NUDT2: variants seen among roughly 807,000 people sequenced by gnomAD.
The protein encoded by NUDT2 is bis(5'-nucleosyl)-tetraphosphatase [asymmetrical].
NUDT2 carries 12 observed loss-of-function variants against 14.2 expected under a neutral mutation model. The ratio of observed to expected loss-of-function variants is 0.84; its 90% CI spans 0.54 to 1.37. The LOEUF is 1.37. NUDT2 is among the 40% of genes most tolerant of loss of function. The pLI is 0.00. For missense variants in NUDT2, 167 were observed against 176.7 expected, an observed-to-expected ratio of 0.95 and a Z score of 0.31; for synonymous variants, 67 against 67.4, an observed-to-expected ratio of 0.99 and a Z score of 0.03.
intron 1 of NUDT2, among the ~76,000 whole-genome samples, chr9:34,334,554 C>T (rs1271352285): frequency 6.6e-6 from 1 of 152,174 alleles, no homozygotes; most frequent in Non-Finnish European, 1.5e-5. Flanking sequence ...AAACCCCCAA[C>T]AATAGTTCCA....
At chr9:34,337,866 T>TCTGGCG (rs1364658973) in intron 2 of NUDT2, among the ~76,000 whole-genome samples, 2 of 150,994 alleles carry the variant, frequency 1.3e-5, no homozygotes, top group African/African-American at 2.4e-5. Context: ...TGAGACAGAG[T>TCTGGCG]CTCACTCTGT....
chr9:34,338,985 T>G, intron 3 of NUDT2, 39 bp from the exon 4 acceptor site: 1 of 1,566,972 alleles, frequency 6.4e-7, no homozygotes, highest in Non-Finnish European at 8.7e-7. Flanking sequence ...GCTTCCTATT[T>G]TGTGTAACTT....
intron 1 of NUDT2, among the ~76,000 whole-genome samples, chr9:34,329,902 C>G (rs956502064): frequency 8.5e-5 from 13 of 152,234 alleles, no homozygotes; most frequent in African/African-American, 3.1e-4. Flanking sequence ...GTTTAGGGCC[C>G]AGAGGCCCAG....
chr9:34,340,615 C>G (rs890087348), intron 4 of NUDT2, among the ~76,000 whole-genome samples: 1 of 152,194 alleles, frequency 6.6e-6, no homozygotes, highest in African/African-American at 2.4e-5. Flanking sequence ...TTTTCATCCA[C>G]CAGCACTCCT....
Position 34,337,777 on chromosome 9 carries a change from A to C in NUDT2, c.-151-936A>C, listed in dbSNP as rs546271778. ...ATCAGCTGTGCAACCCCCGGGCACC[A>C]GCAATGTCAGGCAATGGTGGCATGT... On this transcript the variant is annotated intron_variant, in intron 2 of 4. Coordinates refer to ENST00000379158, the MANE Select transcript of NUDT2 (RefSeq NM_001161.5). Among the ~76,000 whole-genome samples, 3 of 152,294 alleles carry C rather than the reference A, an allele frequency of 2.0e-5. No homozygotes were observed. The South Asian group carries it at 6.2e-4, about 32-fold the overall frequency.
chr9:34,333,674 G>T (rs1267329443), intron 1 of NUDT2, among the ~76,000 whole-genome samples: 3 of 118,162 alleles, frequency 2.5e-5, no homozygotes, highest in East Asian at 2.7e-4. Flanking sequence ...AAAAAAAAAG[G>T]ACTGGGAATT....
At chr9:34,335,326 C>T (rs556221637) in intron 1 of NUDT2, among the ~76,000 whole-genome samples, 80 of 152,338 alleles carry the variant, frequency 5.3e-4, no homozygotes, top group Non-Finnish European at 8.7e-4. Context: ...TCACAGACTT[C>T]GGGCCCAACA....
At chr9:34,333,174 G>C (rs991731346) in intron 1 of NUDT2, among the ~76,000 whole-genome samples, 2 of 152,114 alleles carry the variant, frequency 1.3e-5, no homozygotes, top group African/African-American at 2.4e-5. Context: ...TTTGAGATGG[G>C]TGCTATTAGG....
intron 2 of NUDT2, among the ~76,000 whole-genome samples, chr9:34,337,878 G>A (rs368894392): frequency 5.9e-5 from 9 of 151,852 alleles, no homozygotes; most frequent in East Asian, 3.9e-4. Flanking sequence ...TCACTCTGTC[G>A]CCAAGCTGGA....
intron 2 of NUDT2, among the ~76,000 whole-genome samples, chr9:34,336,837 C>G (rs1303573514): frequency 1.3e-5 from 2 of 152,076 alleles, no homozygotes; most frequent in Non-Finnish European, 2.9e-5. Context: ...AGCCACTGAA[C>G]CCAGCCTCGA....
rs757106123 is a variant in NUDT2, at chr9:34,343,436, C to T, written c.440C>T (p.Ala147Val). Reference protein sequence around the residue: ...EGHQFLCSIEA With the variant: ...EGHQFLCSIEV ...CACCAGTTTCTTTGCTCCATAGAGG[C>T]CTGAGCTGACTGGAGCAGAGTCATT... Residue 147 changes from alanine (A) to valine (V), a missense_variant, in exon 5 of 5, where the codon GCC becomes GTC. Coordinates refer to ENST00000379158, the MANE Select transcript of NUDT2 (RefSeq NM_001161.5). The T allele has an allele frequency of 8.8e-6, 14 of 1,582,984 alleles. No homozygotes were observed. The highest frequency in any genetic ancestry group is 1.7e-4 in the Middle Eastern group (1 of 5,816).
At chr9:34,339,996 G>T (rs1351112844) in intron 4 of NUDT2, among the ~76,000 whole-genome samples, 4 of 151,980 alleles carry the variant, frequency 2.6e-5, no homozygotes, top group African/African-American at 4.8e-5. Context: ...GAGCAGTGGG[G>T]CAATCTCAGC....
intron 4 of NUDT2, 93 bp downstream of exon 4, chr9:34,339,259 A>C: frequency 3.3e-6 from 5 of 1,494,590 alleles, no homozygotes; most frequent in Non-Finnish European, 4.6e-6. Context: ...ATTCCCAGTG[A>C]CTGTGTAGCA....
At chr9:34,331,545 G>A (rs562835558) in intron 1 of NUDT2, among the ~76,000 whole-genome samples, 31 of 152,312 alleles carry the variant, frequency 2.0e-4, no homozygotes, top group African/African-American at 6.7e-4. Context: ...AGATGCAGGG[G>A]CAGGTTGGAC....
intron 1 of NUDT2, among the ~76,000 whole-genome samples, chr9:34,330,523 CACTT>C (rs34807436): frequency 0.2 from 31,191 of 152,166 alleles, 3,775 homozygotes; most frequent in Non-Finnish European, 0.27. Context: ...ACATTTGAGT[CACTT>C]ACCCAGACAT....
intron 1 of NUDT2, among the ~76,000 whole-genome samples, chr9:34,335,849 C>G (rs182378812): frequency 3.3e-5 from 5 of 152,152 alleles, no homozygotes; most frequent in Admixed American, 1.3e-4. Context: ...ATTCCTCCCC[C>G]ACCCCACCGC....
chr9:34,336,619 G>A (rs1182366349), intron 2 of NUDT2, among the ~76,000 whole-genome samples: 1 of 151,760 alleles, frequency 6.6e-6, no homozygotes, highest in Non-Finnish European at 1.5e-5. Context: ...ATGGCTCACT[G>A]TAGCCTCAAC....
In NUDT2 at chr9:34,343,229, G is replaced by C; in HGVS notation, c.233G>C (p.Arg78Thr). Residue 78 changes from arginine to threonine, a missense_variant, in exon 5 of 5, where the codon AGG becomes ACG. By Grantham distance (71) the Arg-to-Thr change is moderately conservative (BLOSUM62 -1). Coordinates refer to ENST00000379158, the MANE Select transcript of NUDT2 (RefSeq NM_001161.5). Reference protein sequence around the residue: ...GQLTIIEGFKRELNYVARNKP... With the variant: ...GQLTIIEGFKTELNYVARNKP... ...CTGACCATTATTGAGGGGTTCAAAA[G>C]GGAACTCAATTATGTGGCCAGGAAC... 6.2e-7 allele frequency: 1 copy of C among 1,614,072 alleles called. No individual in the cohort carries two copies. The highest frequency in any genetic ancestry group is 8.5e-7 in the Non-Finnish European group (1 of 1,180,022).
intron 1 of NUDT2, among the ~76,000 whole-genome samples, chr9:34,332,325 A>G (rs1190191315): frequency 6.6e-6 from 1 of 152,160 alleles, no homozygotes; most frequent in Non-Finnish European, 1.5e-5. Context: ...CTTATGGGGT[A>G]CCTTGTTAAC....
Sources: gnomAD v4.1 joint callset for allele counts (sites outside exome capture counted in the v4.1 genomes callset) on GRCh38, gnomAD v4.1.1 for gene constraint, MANE v1.5 for transcripts, NCBI Gene and HGNC (gene_info 2026-07-23, HGNC 2026-07-21) for gene names.